Variants in PDCD10 observed in about 807,000 individuals in gnomAD.
The protein encoded by PDCD10 is programmed cell death protein 10.
Under a neutral mutation model 29.2 loss-of-function variants are expected in PDCD10, and 4 were observed. The ratio of observed to expected loss-of-function variants is 0.14; its 90% CI spans 0.07 to 0.31. PDCD10 has a LOEUF of 0.31. Ranked by LOEUF, PDCD10 falls within the 10% of genes least tolerant of loss-of-function variation. The pLI is 1.00. For synonymous variants in PDCD10, 70 were observed against 82.2 expected, an observed-to-expected ratio of 0.85 and a Z score of 0.80; for missense variants, 183 against 257.9, an observed-to-expected ratio of 0.71 and a Z score of 1.99.
At chr3:167,729,356 G>A (rs984088988) in intron 2 of PDCD10, among the ~76,000 whole-genome samples, 1 of 152,088 alleles carries the variant, frequency 6.6e-6, no homozygotes, top group Admixed American at 6.6e-5. Context: ...ACTGACCTTA[G>A]CATTTAAGAC....
intron 6 of PDCD10, among the ~76,000 whole-genome samples, chr3:167,688,110 G>C (rs1015353790): frequency 7.2e-5 from 11 of 152,128 alleles, no homozygotes; most frequent in Non-Finnish European, 1.2e-4. Context: ...ATTTGAACAA[G>C]GAACAATTTT....
At chr3:167,715,879 G>A (rs752149360) in intron 3 of PDCD10, among the ~76,000 whole-genome samples, 4 of 151,738 alleles carry the variant, frequency 2.6e-5, no homozygotes, top group Non-Finnish European at 1.5e-5. Context: ...TAAAAACAGA[G>A]GTACCATATG....
chr3:167,730,931 A>G (rs1724736957), intron 2 of PDCD10: 1 of 152,166 alleles, frequency 6.6e-6, no homozygotes, highest in African/African-American at 2.4e-5. Context: ...GTCTAAATCA[A>G]GTGATATTAA....
At chr3:167,731,915 G>C (rs1724857086) in intron 2 of PDCD10, among the ~76,000 whole-genome samples, 1 of 152,100 alleles carries the variant, frequency 6.6e-6, no homozygotes, top group African/African-American at 2.4e-5. Context: ...GTAGGCGTGA[G>C]GGGAACAGTC....
At chr3:167,721,818 C>T (rs1311809430) in intron 2 of PDCD10, among the ~76,000 whole-genome samples, 2 of 152,124 alleles carry the variant, frequency 1.3e-5, no homozygotes, top group East Asian at 3.9e-4. Flanking sequence ...ATACCATTAC[C>T]TGATTATGTA....
intron 6 of PDCD10, among the ~76,000 whole-genome samples, 178 bp from the exon 7 acceptor site, chr3:167,687,871 G>A (rs551036976): frequency 6.6e-6 from 1 of 152,292 alleles, no homozygotes; most frequent in East Asian, 1.9e-4. Flanking sequence ...GCTGGTTGGA[G>A]TGGGGATTTT....
intron 4 of PDCD10, among the ~76,000 whole-genome samples, chr3:167,701,995 A>G (rs1422364880): frequency 2.0e-5 from 3 of 152,210 alleles, no homozygotes. Flanking sequence ...GAGTGCCAGA[A>G]AACAAATGGA....
chr3:167,712,495 A>C (rs1722616261), intron 3 of PDCD10, among the ~76,000 whole-genome samples: 1 of 152,092 alleles, frequency 6.6e-6, no homozygotes, highest in South Asian at 2.1e-4. Context: ...AAAAAATTAA[A>C]ACATACCACC....
chr3:167,723,971 G>A lies in PDCD10; in HGVS notation c.-116-3698C>T, dbSNP rs569487478. Among the ~76,000 whole-genome samples the A allele has an allele frequency of 2.6e-5, 4 of 152,246 alleles. No individual in the cohort carries two copies. In the South Asian group the frequency reaches 8.3e-4, roughly 32 times the overall value. Reference sequence around the variant, plus strand: ...CCTGAGCTGAAGATAATTATCACTTGCTTAGAGTAAGAAGCCCAAAAACAG... The same window carrying A: ...CCTGAGCTGAAGATAATTATCACTTACTTAGAGTAAGAAGCCCAAAAACAG... On this transcript the variant is annotated intron_variant, in intron 2 of 8. Coordinates refer to ENST00000392750, the MANE Select transcript of PDCD10 (RefSeq NM_007217.4).
At chr3:167,733,831 TG>T (rs1264323253) in intron 2 of PDCD10, among the ~76,000 whole-genome samples, 1 of 152,106 alleles carries the variant, frequency 6.6e-6, no homozygotes, top group Admixed American at 6.5e-5. Context: ...CCCGTAAAAA[TG>T]AACTGTGAGA....
intron 3 of PDCD10, among the ~76,000 whole-genome samples, chr3:167,709,282 G>A (rs1431382256): frequency 6.6e-6 from 1 of 152,134 alleles, no homozygotes; most frequent in African/African-American, 2.4e-5. Context: ...AATCAAGTGA[G>A]CAATCATAGT....
At chr3:167,705,019 T>C (rs1032552512) in intron 3 of PDCD10, 124 bp from the exon 4 acceptor site, 25 of 615,418 alleles carry the variant, frequency 4.1e-5, no homozygotes, top group African/African-American at 1.3e-4. Context: ...TTGTTAACAA[T>C]TGTACATCAC....
intron 2 of PDCD10, chr3:167,725,538 G>A (rs891465854): frequency 6.6e-6 from 1 of 151,614 alleles, no homozygotes; most frequent in South Asian, 2.1e-4. Flanking sequence ...AAATGAGCTT[G>A]ATGTCTTAAG....
intron 4 of PDCD10, 111 bp from the exon 5 acceptor site, chr3:167,697,237 A>G: frequency 1.5e-6 from 1 of 686,636 alleles, no homozygotes. Context: ...ATAACTTTTA[A>G]GGGCAGAAAT....
At chr3:167,728,943 T>C (rs1156433743) in intron 2 of PDCD10, among the ~76,000 whole-genome samples, 1 of 152,150 alleles carries the variant, frequency 6.6e-6, no homozygotes, top group Admixed American at 6.5e-5. Context: ...CTATGCAAGT[T>C]CAACAGACAT....
intron 4 of PDCD10, 53 bp downstream of exon 4, chr3:167,704,789 C>A: frequency 8.1e-7 from 1 of 1,238,360 alleles, no homozygotes; most frequent in South Asian, 1.2e-5. Flanking sequence ...CATGTACTTA[C>A]ATTTACAAAG....
intron 6 of PDCD10, among the ~76,000 whole-genome samples, chr3:167,693,333 C>T (rs979161714): frequency 4.6e-5 from 7 of 152,170 alleles, no homozygotes; most frequent in African/African-American, 7.2e-5. Context: ...TAAAAAGCCA[C>T]GTATCATTAT....
intron 3 of PDCD10, among the ~76,000 whole-genome samples, chr3:167,711,623 A>C (rs1722528967): frequency 6.6e-6 from 1 of 152,186 alleles, no homozygotes. Flanking sequence ...ACAACAGAGA[A>C]CTTCCCAAAC....
chr3:167,732,811 A>T (rs1724953936), intron 2 of PDCD10, among the ~76,000 whole-genome samples: 1 of 152,222 alleles, frequency 6.6e-6, no homozygotes, highest in Non-Finnish European at 1.5e-5. Flanking sequence ...TCTAGAAAAC[A>T]GATTAATATT....
Sources: gnomAD v4.1 joint callset for allele counts (sites outside exome capture counted in the v4.1 genomes callset) on GRCh38, gnomAD v4.1.1 for gene constraint, MANE v1.5 for transcripts, NCBI Gene and HGNC (gene_info 2026-07-23, HGNC 2026-07-21) for gene names.